IQGAP2: variants seen among roughly 807,000 people sequenced by gnomAD.
IQGAP2 encodes the protein IQ motif containing GTPase activating protein 2, also known as ras GTPase-activating-like protein IQGAP2.
In IQGAP2, 173 loss-of-function variants were observed where a neutral mutation model predicts 201.3. The ratio of observed to expected loss-of-function variants is 0.86; its 90% CI spans 0.76 to 0.98. The LOEUF is 0.98. IQGAP2 is among the 50% of genes least tolerant of loss of function. The pLI is 0.00. For synonymous variants in IQGAP2, 675 were observed against 673.9 expected (o/e 1.00, Z -0.03); for missense variants, 1,687 against 1,864.8 (o/e 0.90, Z 1.76).
At chr5:76,412,367 T>C (rs1751174067) in intron 1 of IQGAP2, among the ~76,000 whole-genome samples, 1 of 152,192 alleles carries the variant, frequency 6.6e-6, no homozygotes, top group Non-Finnish European at 1.5e-5. Flanking sequence ...GATCTCACTA[T>C]GTTGCTCAAG....
chr5:76,512,572 C>T (rs1758036986), intron 2 of IQGAP2, among the ~76,000 whole-genome samples: 1 of 152,136 alleles, frequency 6.6e-6, no homozygotes, highest in African/African-American at 2.4e-5. Flanking sequence ...TTGAATTAGA[C>T]AGGGGAAAAG....
rs181271225 is a variant in IQGAP2, at chr5:76,545,955, A to T, written c.147-16441A>T. 3.4e-3 allele frequency among the ~76,000 whole-genome samples: 522 copies of T among 152,180 alleles called. 5 individuals carry two copies. The highest frequency in any genetic ancestry group is 0.012 in the African/African-American group (501 of 41,504). On this transcript the variant is annotated intron_variant, in intron 2 of 35. Coordinates refer to ENST00000274364, the MANE Select transcript of IQGAP2 (RefSeq NM_006633.5). ...TCAGACATCTGAGTTTTTTATTTTT[A>T]ATATCATTGTGGTTACATGCGTATC...
intron 2 of IQGAP2, chr5:76,510,739 C>T (rs915446810): frequency 2.6e-5 from 13 of 508,170 alleles, no homozygotes; most frequent in African/African-American, 2.3e-4. Context: ...TAAGGGTGTA[C>T]CTGGGGGCAC....
At chr5:76,503,267 G>A (rs550583696) in intron 2 of IQGAP2, among the ~76,000 whole-genome samples, 4 of 144,790 alleles carry the variant, frequency 2.8e-5, no homozygotes, top group Admixed American at 2.1e-4. Context: ...TCCCCCTCCC[G>A]GGTTCAAGCA....
At chr5:76,500,208 C>T (rs1757200479) in intron 2 of IQGAP2, among the ~76,000 whole-genome samples, 1 of 152,084 alleles carries the variant, frequency 6.6e-6, no homozygotes, top group Non-Finnish European at 1.5e-5. Context: ...GCTACCACTT[C>T]CTGAAAGAAT....
At chr5:76,522,222 G>A (rs1243036580) in intron 2 of IQGAP2, among the ~76,000 whole-genome samples, 1 of 147,642 alleles carries the variant, frequency 6.8e-6, no homozygotes, top group South Asian at 2.1e-4. Context: ...TTTCTCTGTC[G>A]CCCAGTCTGG....
rs190086779 is a variant in IQGAP2, at chr5:76,413,778, G to T, written c.46+10187G>T. On this transcript the variant is annotated intron_variant, in intron 1 of 35. Coordinates refer to ENST00000274364, the MANE Select transcript of IQGAP2 (RefSeq NM_006633.5). ...CTGTTGCTTGTCTAAAAGCCTGAGG[G>T]TTTATAATGCTATCTAGATGGGAAG... 9.7e-4 allele frequency among the ~76,000 whole-genome samples: 148 copies of T among 152,254 alleles called. 1 individual carries two copies. The Middle Eastern group carries it at 0.01, about 10-fold the overall frequency.
chr5:76,496,768 T>TC (rs1561416655), intron 2 of IQGAP2, among the ~76,000 whole-genome samples: 12 of 118,178 alleles, frequency 1.0e-4, no homozygotes, highest in Admixed American at 4.2e-4. Flanking sequence ...TTTCTTTCTT[T>TC]CTTTCTTTCT....
At chr5:76,439,268 G>A (rs1752891215) in intron 1 of IQGAP2, among the ~76,000 whole-genome samples, 1 of 152,156 alleles carries the variant, frequency 6.6e-6, no homozygotes, top group Admixed American at 6.5e-5. Context: ...ACTATCATAT[G>A]GTCTATCTTG....
chr5:76,633,411 C>T (rs1159252024), intron 15 of IQGAP2, among the ~76,000 whole-genome samples: 3 of 152,068 alleles, frequency 2.0e-5, no homozygotes, highest in South Asian at 4.1e-4. Context: ...GCATATAAGG[C>T]TTGCATTTGT....
intron 18 of IQGAP2, among the ~76,000 whole-genome samples, chr5:76,653,714 C>T (rs1200942332): frequency 1.3e-5 from 2 of 152,206 alleles, no homozygotes; most frequent in Non-Finnish European, 2.9e-5. Context: ...TCCTATGGAA[C>T]ATATGCCTAT....
chr5:76,593,346 C>T (rs1190119497), intron 9 of IQGAP2, among the ~76,000 whole-genome samples: 1 of 133,580 alleles, frequency 7.5e-6, no homozygotes, highest in Admixed American at 7.2e-5. Context: ...AGCCATTAGT[C>T]TGTTGTTTGT....
chr5:76,403,855 G>A lies in IQGAP2; in HGVS notation c.46+264G>A, dbSNP rs62363211. Among the ~76,000 whole-genome samples, 22,403 of 152,080 alleles carry A rather than the reference G, an allele frequency of 0.15. 2,065 individuals carry two copies. The highest frequency in any genetic ancestry group is 0.51 in the East Asian group (2,616 of 5,094). On this transcript the variant is annotated intron_variant, in intron 1 of 35. Transcript: ENST00000274364. This position sits in a 1 kb window ranked among gnomAD's most constrained non-coding sequence, Gnocchi z 4.8. The stretch of plus-strand genomic sequence containing the variant: ...CCCAAACGGGGTGCGCGGGCAGTGC[G>A]GGGATTGCGCTCTGGGACAGACCAG...
Position 76,551,022 on chromosome 5 carries a change from G to A in IQGAP2, c.147-11374G>A, listed in dbSNP as rs550624737. Among the ~76,000 whole-genome samples, 431 of 151,778 alleles carry A rather than the reference G, an allele frequency of 2.8e-3. 5 individuals are homozygous for A. Among genetic ancestry groups the A allele is most frequent in the African/African-American group, 1.0e-2 (413 of 41,408 alleles). On this transcript the variant is annotated intron_variant, in intron 2 of 35. Coordinates refer to ENST00000274364, the MANE Select transcript of IQGAP2 (RefSeq NM_006633.5). ...CCCTCCCGGACGGGGGTGGCTGGCC[G>A]GGCAGAGAGGCTCCTCACTTCCCGG... is the stretch of plus-strand genomic sequence containing the variant.
chr5:76,487,102 CT>C (rs11322216), intron 2 of IQGAP2, among the ~76,000 whole-genome samples: 53,996 of 141,158 alleles, frequency 0.38, 10,758 homozygotes, highest in Middle Eastern at 0.48. Flanking sequence ...TTCTTTCTTT[CT>C]TTTTTTTTTT....
At chr5:76,562,659 C>A in intron 3 of IQGAP2, 107 bp downstream of exon 3, 1 of 1,013,644 alleles carries the variant, frequency 9.9e-7, no homozygotes, top group South Asian at 1.6e-5. Context: ...ATTTGGGGGG[C>A]TGGGGGATGT....
intron 13 of IQGAP2, chr5:76,623,203 CAGCAGCT>C (rs1749882705): frequency 1.2e-6 from 2 of 1,614,168 alleles, no homozygotes; most frequent in Non-Finnish European, 8.5e-7. Context: ...AGCAGGAGGC[CAGCAGCT>C]GCAAAGATGA....
At chr5:76,456,633 G>C (rs988916628) in intron 1 of IQGAP2, among the ~76,000 whole-genome samples, 37 of 152,178 alleles carry the variant, frequency 2.4e-4, no homozygotes, top group African/African-American at 8.0e-4. Context: ...AGTTGTGAGA[G>C]GGGGCAGATA....
At chr5:76,685,337 C>G (rs372600250) in intron 30 of IQGAP2, among the ~76,000 whole-genome samples, 2 of 152,062 alleles carry the variant, frequency 1.3e-5, no homozygotes, top group Non-Finnish European at 2.9e-5. Context: ...GCCAAGTATC[C>G]CATGATCTCA....
Sources: gnomAD v4.1 joint callset for allele counts (sites outside exome capture counted in the v4.1 genomes callset) on GRCh38, gnomAD v4.1.1 for gene constraint, Gnocchi (gnomAD v3.1) non-coding constraint, MANE v1.5 for transcripts, NCBI Gene and HGNC (gene_info 2026-07-23, HGNC 2026-07-21) for gene names.